Variants in LZTS1 observed in about 807,000 individuals in gnomAD.
LZTS1 encodes the protein leucine zipper putative tumor suppressor 1.
A neutral mutation model predicts 45.8 loss-of-function variants in LZTS1; 31 were observed. The ratio of observed to expected loss-of-function variants is 0.68; its 90% CI spans 0.51 to 0.91. The LOEUF is 0.91. LZTS1 is among the 40% of genes least tolerant of loss of function. The pLI, the probability that LZTS1 is intolerant of heterozygous loss-of-function variation, is 0.00. For synonymous variants in LZTS1, 359 were observed against 357.3 expected (o/e 1.00, Z -0.05); for missense variants, 821 against 788.9 (o/e 1.04, Z -0.49).
In LZTS1 at chr8:20,272,952, C is replaced by CT. The variant is rs201569602; in HGVS notation, c.-134-17638dup. 5.3e-3 allele frequency among the ~76,000 whole-genome samples: 812 copies of CT among 152,278 alleles called. 6 individuals carry two copies. The highest frequency in any genetic ancestry group is 6.7e-3 in the Non-Finnish European group (457 of 68,016). ...CATTTTCTTCTCCAGGGACCACTGT[C>CT]TTTTTTCTCCCGTTCACAGCCAAGC... On this transcript the variant is annotated intron_variant, in intron 1 of 3. Coordinates refer to ENST00000381569, the MANE Select transcript of LZTS1 (RefSeq NM_021020.5).
rs2128889974 is a variant in LZTS1 at position 20,247,173 on chromosome 8, G to T, written c.*2549C>A. 1 of 152,722 alleles carries T rather than the reference G, an allele frequency of 6.5e-6. No homozygotes were observed. Among genetic ancestry groups the T allele is most frequent in the African/African-American group, 2.4e-5 (1 of 41,580 alleles). The allele number at this position is 152,722 out of a possible 1,614,324, so 9.5% of individuals were successfully genotyped here. On this transcript the variant is annotated 3_prime_UTR_variant, in exon 4 of 4. Coordinates refer to ENST00000381569, the MANE Select transcript of LZTS1 (RefSeq NM_021020.5). ...GGGGGGACACATCTGGGCCGGCCTG[G>T]GACAGGGCCATGGAGATATGGAGAA...
intron 1 of LZTS1, among the ~76,000 whole-genome samples, chr8:20,271,024 C>T (rs914814005): frequency 1.3e-5 from 2 of 152,024 alleles, no homozygotes; most frequent in African/African-American, 4.8e-5. Flanking sequence ...GGGAGGGCAG[C>T]TTTGGGTACC....
intron 1 of LZTS1, among the ~76,000 whole-genome samples, chr8:20,258,958 T>C (rs1296717875): frequency 6.6e-6 from 1 of 152,154 alleles, no homozygotes; most frequent in Non-Finnish European, 1.5e-5. Flanking sequence ...AAATGTGTTT[T>C]CATCCCCCTA....
intron 1 of LZTS1, among the ~76,000 whole-genome samples, chr8:20,258,852 C>G (rs953839190): frequency 1.3e-5 from 2 of 152,186 alleles, no homozygotes; most frequent in African/African-American, 4.8e-5. Context: ...CAGAGCTAAT[C>G]CTTTCCTTCT....
rs1799852670 is a variant in LZTS1 at position 20,250,135 on chromosome 8, C to T, written c.1378G>A (p.Glu460Lys). 1.9e-6 allele frequency: 3 copies of T among 1,608,074 alleles called. No homozygotes were observed. The highest frequency in any genetic ancestry group is 1.7e-5 in the Admixed American group (1 of 59,908). Residue 460 changes from glutamate to lysine, a missense_variant, in exon 4 of 4, where the codon GAG becomes AAG. Physicochemically the swap from Glu to Lys is moderately conservative, Grantham distance 56 (BLOSUM62 1). Coordinates refer to ENST00000381569, the MANE Select transcript of LZTS1 (RefSeq NM_021020.5). ...ACCTTCTCCCGCAGCAGCTCCGCCT[C>T]GTTCTTCTTGCGCTGCAGCTCATTC... ...CENELQRKKN[E>K]AELLREKVNL...
chr8:20,249,909 T>G lies in LZTS1; in HGVS notation c.1604A>C (p.Glu535Ala). 6.2e-7 allele frequency: 1 copy of G among 1,614,062 alleles called. No homozygotes were observed. Among genetic ancestry groups the G allele is most frequent in the Non-Finnish European group, 8.5e-7 (1 of 1,180,002 alleles). The change falls in exon 4 of 4, where the codon GAG becomes GCG. Residue 535 changes from glutamate (E) to alanine (A), a missense_variant. By Grantham distance (107) the Glu-to-Ala change is moderately radical. Coordinates refer to ENST00000381569, the MANE Select transcript of LZTS1 (RefSeq NM_021020.5). ...FQHERLVWKE[E>A]KEKVIQYQKQ... ...CTGGTACTGAATCACCTTCTCCTTC[T>G]CCTCCTTCCACACGAGCCGCTCATG...
At chr8:20,251,422 A>G (rs1799906185) in intron 3 of LZTS1, among the ~76,000 whole-genome samples, 1 of 152,004 alleles carries the variant, frequency 6.6e-6, no homozygotes, top group East Asian at 1.9e-4. Flanking sequence ...GGCAAGGGGA[A>G]ATTTCTACTG....
Position 20,249,639 on chromosome 8 carries a change from C to A in LZTS1, c.*83G>T. On this transcript the variant is annotated 3_prime_UTR_variant, in exon 4 of 4. Transcript: ENST00000381569. ...AGGGAGTGGCGTCTCTCAGAGGGGT[C>A]TGAATTGCTGAGCAGGGGGGATGCA... is the stretch of plus-strand genomic sequence containing the variant. 9.3e-6 allele frequency: 14 copies of A among 1,507,638 alleles called. No homozygotes were observed. Among genetic ancestry groups the A allele is most frequent in the Non-Finnish European group, 1.2e-5 (14 of 1,126,222 alleles). The allele number at this position is 1,507,638 out of a possible 1,614,324, so 93.4% of individuals were successfully genotyped here. A position where few individuals can be genotyped will look rare whatever the true frequency, so the allele number is the denominator to read the frequency against.
intron 1 of LZTS1, among the ~76,000 whole-genome samples, chr8:20,266,235 T>C (rs1800351919): frequency 6.6e-6 from 1 of 152,104 alleles, no homozygotes; most frequent in South Asian, 2.1e-4. Context: ...CTATGTTGCC[T>C]AGGCTGGTCT....
At position 20,246,507 on chromosome 8, in the gene LZTS1, C is replaced by T. The variant is rs1283633960; in HGVS notation, c.*3215G>A. 1.3e-5 allele frequency: 2 copies of T among 152,574 alleles called. No homozygotes were observed. The highest frequency in any genetic ancestry group is 4.8e-5 in the African/African-American group (2 of 41,464). 9.5% of individuals were successfully genotyped at this position (152,574 alleles called of 1,614,324 possible). A position where few individuals can be genotyped will look rare whatever the true frequency, so the allele number is the denominator to read the frequency against. On this transcript the variant is annotated 3_prime_UTR_variant, in exon 4 of 4. Transcript: ENST00000381569. ...TGAGGTCTGCAGGGAAATCCCTCTC[C>T]CCAAGCTGCTGCTCCTCCAGCCAGG...
chr8:20,284,449 G>A (rs1800751634), intron 1 of LZTS1, among the ~76,000 whole-genome samples: 1 of 152,148 alleles, frequency 6.6e-6, no homozygotes, highest in Admixed American at 6.5e-5. Flanking sequence ...TCAGAGCAGA[G>A]GATGAGAAAG....
Position 20,249,795 on chromosome 8 carries a change from GC to G in LZTS1, c.1717del (p.Ala573ProfsTer20), listed in dbSNP as rs1356057245. 2.5e-6 allele frequency: 4 copies of G among 1,614,000 alleles called. No individual in the cohort carries two copies. Among genetic ancestry groups the G allele is most frequent in the Non-Finnish European group, 3.4e-6 (4 of 1,180,034 alleles). On this transcript the variant is annotated frameshift_variant, in exon 4 of 4. Transcript: ENST00000381569. LOFTEE classifies it high-confidence loss of function. ...CAGGTCAACCTCCAAGGGCTCCCCG[GC>G]GCTGTCCCCACGTGCCAGCTGCTGC... Reference protein sequence around the residue: ...ALQQLARGDSAGEPLEVDLEG... With the variant: ...ALQQLARGDSXGEPLEVDLEG...
intron 1 of LZTS1, among the ~76,000 whole-genome samples, chr8:20,270,797 C>CTGTGTGTGTGTG (rs745917836): frequency 1.5e-3 from 151 of 99,402 alleles, no homozygotes; most frequent in African/African-American, 4.7e-3. Context: ...CGAGTGTGTC[C>CTGTGTGTGTGTG]TCTGTGTGTG....
intron 1 of LZTS1, among the ~76,000 whole-genome samples, chr8:20,270,430 A>G (rs971980571): frequency 2.0e-5 from 3 of 152,252 alleles, no homozygotes; most frequent in Non-Finnish European, 4.4e-5. Context: ...TCAGCCATCA[A>G]CAGCAGCTGA....
rs186143985 is a variant in LZTS1 at position 20,285,990 on chromosome 8, C to T, written c.-135+17750G>A. Among the ~76,000 whole-genome samples the T allele has an allele frequency of 2.7e-3, 416 of 152,302 alleles. 3 individuals are homozygous for T. The highest frequency in any genetic ancestry group is 1.8e-3 in the Non-Finnish European group (123 of 68,022). On this transcript the variant is annotated intron_variant, in intron 1 of 3. Transcript: ENST00000381569. ...GTAAATATTGACTCCTACTTCCTAC[C>T]ACACACGAATATTTCCAGATGATTG...
At chr8:20,261,703 G>A (rs781424288) in intron 1 of LZTS1, among the ~76,000 whole-genome samples, 1 of 152,250 alleles carries the variant, frequency 6.6e-6, no homozygotes, top group South Asian at 2.1e-4. Flanking sequence ...CTGACTCATC[G>A]TCTCATCCCA....
At chr8:20,274,048 C>T (rs1800526765) in intron 1 of LZTS1, among the ~76,000 whole-genome samples, 2 of 152,162 alleles carry the variant, frequency 1.3e-5, no homozygotes, top group South Asian at 4.1e-4. Flanking sequence ...TGGGACTTTG[C>T]TCAGAAGGCA....
intron 1 of LZTS1, among the ~76,000 whole-genome samples, chr8:20,278,511 G>A (rs1251190624): frequency 2.6e-5 from 4 of 152,204 alleles, no homozygotes; most frequent in Admixed American, 6.5e-5. Context: ...GCCTCCCACC[G>A]GGCTCTCTTA....
At chr8:20,252,738 C>G in intron 3 of LZTS1, 44 bp downstream of exon 3, 2 of 1,474,580 alleles carry the variant, frequency 1.4e-6, no homozygotes, top group Non-Finnish European at 9.0e-7. Context: ...GTACTGGCGC[C>G]AAACCGCTGA....
Sources: gnomAD v4.1 joint callset for allele counts (sites outside exome capture counted in the v4.1 genomes callset) on GRCh38, gnomAD v4.1.1 for gene constraint, MANE v1.5 for transcripts, NCBI Gene and HGNC (gene_info 2026-07-23, HGNC 2026-07-21) for gene names.